FRMD3: variants seen among roughly 807,000 people sequenced by gnomAD.
FRMD3 encodes FERM domain-containing protein 3.
FRMD3 carries 33 observed loss-of-function variants against 70.2 expected under a neutral mutation model. That is an observed-to-expected ratio of 0.47 (90% CI 0.36 to 0.63). The LOEUF (loss-of-function observed/expected upper bound fraction) is 0.63. FRMD3 is among the 20% of genes least tolerant of loss of function. The probability of loss-of-function intolerance (pLI) is 0.00; values close to 1 mark genes in which losing one functional copy is unlikely to be tolerated. For synonymous variants in FRMD3, 279 were observed against 255.9 expected, an observed-to-expected ratio of 1.09 and a Z score of -0.86; for missense variants, 632 against 711.4, an observed-to-expected ratio of 0.89 and a Z score of 1.27.
At chr9:83,382,198 A>C (rs1364176662) in intron 2 of FRMD3, among the ~76,000 whole-genome samples, 1 of 152,152 alleles carries the variant, frequency 6.6e-6, no homozygotes, top group Non-Finnish European at 1.5e-5. Context: ...ATGCCACATA[A>C]ATTTAACAAC....
intron 7 of FRMD3, 49 bp from the exon 8 acceptor site, chr9:83,312,024 A>G (rs769684407): frequency 7.4e-7 from 1 of 1,349,738 alleles, no homozygotes; most frequent in Non-Finnish European, 1.0e-6. Context: ...GATTGAGAAA[A>G]ATAAAATAAA....
chr9:83,475,469 G>T (rs1828373814), intron 1 of FRMD3, among the ~76,000 whole-genome samples: 1 of 151,840 alleles, frequency 6.6e-6, no homozygotes, highest in African/African-American at 2.4e-5. Flanking sequence ...GAAAAAGACA[G>T]AAAAATACAA....
At chr9:83,480,333 A>G (rs1325582340) in intron 1 of FRMD3, among the ~76,000 whole-genome samples, 2 of 152,172 alleles carry the variant, frequency 1.3e-5, no homozygotes, top group Non-Finnish European at 2.9e-5. Flanking sequence ...AGCCCTCCAT[A>G]TCCCTGGTTT....
intron 1 of FRMD3, among the ~76,000 whole-genome samples, chr9:83,453,711 A>ATTT (rs59376142): frequency 1.9e-4 from 22 of 115,086 alleles, no homozygotes; most frequent in Non-Finnish European, 2.7e-4. Context: ...GTTTGTTTTA[A>ATTT]TTTTTTTTTT....
At chr9:83,415,442 CTTTTT>C (rs541899087) in intron 1 of FRMD3, among the ~76,000 whole-genome samples, 1 of 124,624 alleles carries the variant, frequency 8.0e-6, no homozygotes. Context: ...AAAGGAAATT[CTTTTT>C]TTTTTTTTTT....
chr9:83,428,536 T>G (rs931032608), intron 1 of FRMD3, among the ~76,000 whole-genome samples: 1 of 151,612 alleles, frequency 6.6e-6, no homozygotes, highest in Non-Finnish European at 1.5e-5. Context: ...TATATATACA[T>G]GTGTGCTCAT....
At chr9:83,343,788 A>G (rs887186461) in intron 4 of FRMD3, among the ~76,000 whole-genome samples, 8 of 152,350 alleles carry the variant, frequency 5.3e-5, no homozygotes, top group Non-Finnish European at 1.0e-4. Context: ...GAGGCCAGAA[A>G]GGCAACTAAC....
chr9:83,356,536 A>G (rs1824350725), intron 3 of FRMD3, among the ~76,000 whole-genome samples: 1 of 151,480 alleles, frequency 6.6e-6, no homozygotes, highest in Admixed American at 6.6e-5. Flanking sequence ...TCGGCCTCCC[A>G]AAGTGCTGGG....
intron 6 of FRMD3, among the ~76,000 whole-genome samples, chr9:83,329,969 A>G (rs1228134506): frequency 6.6e-6 from 1 of 151,976 alleles, no homozygotes; most frequent in African/African-American, 2.4e-5. Flanking sequence ...TTGATCTTAA[A>G]CCCCTTCCGA....
intron 3 of FRMD3, among the ~76,000 whole-genome samples, chr9:83,351,684 ACAT>A (rs371111426): frequency 4.1e-4 from 38 of 92,388 alleles, no homozygotes; most frequent in African/African-American, 1.5e-3. Flanking sequence ...ATTGATAGTT[ACAT>A]GATAGATAGA....
At chr9:83,350,417 C>A (rs1824107361) in intron 3 of FRMD3, among the ~76,000 whole-genome samples, 1 of 151,498 alleles carries the variant, frequency 6.6e-6, no homozygotes, top group South Asian at 2.1e-4. Context: ...TGAGGTCAGA[C>A]CAGCCTGACC....
intron 8 of FRMD3, among the ~76,000 whole-genome samples, chr9:83,310,758 A>G (rs1330507538): frequency 6.6e-6 from 1 of 152,232 alleles, no homozygotes; most frequent in African/African-American, 2.4e-5. Context: ...AGAGCTCAGA[A>G]TTATTTATTC....
chr9:83,414,742 T>C (rs1826381855), intron 1 of FRMD3, among the ~76,000 whole-genome samples: 1 of 152,250 alleles, frequency 6.6e-6, no homozygotes, highest in Non-Finnish European at 1.5e-5. Context: ...TACCTTTTAC[T>C]ACACAAATAT....
chr9:83,299,640 C>G (rs1834824903), intron 10 of FRMD3, among the ~76,000 whole-genome samples: 1 of 152,216 alleles, frequency 6.6e-6, no homozygotes, highest in South Asian at 2.1e-4. Context: ...TTCCTGGCAA[C>G]AGAGGTCACT....
chr9:83,301,480 T>G (rs1257449091), intron 10 of FRMD3, among the ~76,000 whole-genome samples: 1 of 152,086 alleles, frequency 6.6e-6, no homozygotes, highest in Non-Finnish European at 1.5e-5. Context: ...TGTGTTTTTT[T>G]TTAATTCCAA....
intron 4 of FRMD3, among the ~76,000 whole-genome samples, chr9:83,347,359 A>G (rs548964914): frequency 6.6e-6 from 1 of 152,346 alleles, no homozygotes; most frequent in East Asian, 1.9e-4. Flanking sequence ...TCCTGCATAA[A>G]AAGATTAAGC....
At chr9:83,301,548 T>C (rs2131018441) in intron 10 of FRMD3, among the ~76,000 whole-genome samples, 1 of 151,688 alleles carries the variant, frequency 6.6e-6, no homozygotes, top group East Asian at 1.9e-4. Flanking sequence ...AGATTGAGTT[T>C]CTTAATTGGG....
chr9:83,269,089 T>C (rs972988927), intron 13 of FRMD3, among the ~76,000 whole-genome samples: 2 of 152,232 alleles, frequency 1.3e-5, no homozygotes, highest in Non-Finnish European at 2.9e-5. Flanking sequence ...TGAAAATCAC[T>C]GTTCACAATA....
intron 13 of FRMD3, among the ~76,000 whole-genome samples, chr9:83,266,639 T>C (rs1456230704): frequency 6.6e-5 from 10 of 152,100 alleles, no homozygotes. Context: ...CTTTCAACAA[T>C]GAAAGGAGGG....
Sources: gnomAD v4.1 joint callset for allele counts (sites outside exome capture counted in the v4.1 genomes callset) on GRCh38, gnomAD v4.1.1 for gene constraint, MANE v1.5 for transcripts, NCBI Gene and HGNC (gene_info 2026-07-23, HGNC 2026-07-21) for gene names.